The following ANK1 variants were observed in gnomAD, a reference collection of about 807,000 sequenced individuals.
ANK1 encodes the protein ankyrin-1.
A neutral mutation model predicts 210.4 loss-of-function variants in ANK1; 51 were observed. The ratio of observed to expected loss-of-function variants is 0.24; its 90% CI spans 0.19 to 0.31. The LOEUF (loss-of-function observed/expected upper bound fraction) is 0.31, where lower values mean the gene tolerates loss of function less well. Among genes scored for constraint, ANK1 ranks in the 10% least tolerant of loss-of-function variants. ANK1 has a pLI of 1.00. For synonymous variants in ANK1, 967 were observed against 1,025.9 expected (o/e 0.94, Z 1.10); for missense variants, 2,051 against 2,504.4 (o/e 0.82, Z 3.86).
At chr8:41,693,792 A>G (rs1167240303) in intron 29 of ANK1, 106 bp downstream of exon 29, 3 of 1,356,132 alleles carry the variant, frequency 2.2e-6, no homozygotes, top group Non-Finnish European at 3.1e-6. Context: ...GGAAGTCAAC[A>G]AAAACTAAGG....
At chr8:41,822,236 T>C (rs1208640269) in intron 1 of ANK1, among the ~76,000 whole-genome samples, 2 of 152,160 alleles carry the variant, frequency 1.3e-5, no homozygotes, top group Non-Finnish European at 2.9e-5. Context: ...CTGTCTCCAG[T>C]TGACCTCTCT....
intron 9 of ANK1, among the ~76,000 whole-genome samples, chr8:41,721,985 AAAATGTTGGGAAT>A: frequency 6.6e-6 from 1 of 152,250 alleles, no homozygotes; most frequent in Admixed American, 6.5e-5. Flanking sequence ...CACTCCTGGA[AAAATGTTGGGAAT>A]TTTCTAATAA....
At position 41,655,308 on chromosome 8, in the gene ANK1, T is replaced by TC. The variant is rs1805286666; in HGVS notation, c.*481_*482insG. The TC allele has an allele frequency of 1.2e-5, 2 of 164,532 alleles. 1 individual carries two copies. The highest frequency in any genetic ancestry group is 3.1e-4 in the South Asian group (2 of 6,496). The allele number at this position is 164,532 out of a possible 1,614,324, so 10.2% of individuals were successfully genotyped here. ...AACTGATTTCATGCCTAGTTTTCTTTTTTTTTTTTTTCTTTCCAGGAAGCC... is the reference window on the plus strand; with the variant it reads ...AACTGATTTCATGCCTAGTTTTCTTTCTTTTTTTTTTTCTTTCCAGGAAGCC... On this transcript the variant is annotated 3_prime_UTR_variant, in exon 43 of 43. Transcript: ENST00000289734.
At chr8:41,684,782 A>G in intron 36 of ANK1, 92 bp from the exon 37 acceptor site, 2 of 1,510,254 alleles carry the variant, frequency 1.3e-6, no homozygotes, top group Non-Finnish European at 1.8e-6. Flanking sequence ...AAGATGGAGA[A>G]AGGAGATAAT....
intron 1 of ANK1, among the ~76,000 whole-genome samples, chr8:41,848,126 A>G (rs1385987308): frequency 6.6e-6 from 1 of 152,062 alleles, no homozygotes; most frequent in African/African-American, 2.4e-5. Flanking sequence ...TGGAGGTTGC[A>G]GTGAGCTGAG....
intron 1 of ANK1, among the ~76,000 whole-genome samples, chr8:41,850,348 T>C (rs1026065015): frequency 1.3e-5 from 2 of 152,120 alleles, no homozygotes; most frequent in African/African-American, 4.8e-5. Flanking sequence ...TAATAAAAAT[T>C]TAAAATCAAA....
chr8:41,826,714 A>C (rs1279665574), intron 1 of ANK1, among the ~76,000 whole-genome samples: 1 of 152,238 alleles, frequency 6.6e-6, no homozygotes, highest in African/African-American at 2.4e-5. Flanking sequence ...GCATTTGCTT[A>C]GTCTTTTTTC....
chr8:41,885,191 A>C (rs903684176), intron 1 of ANK1, among the ~76,000 whole-genome samples: 7 of 152,178 alleles, frequency 4.6e-5, no homozygotes, highest in Non-Finnish European at 8.8e-5. Context: ...TTAGCCTTAA[A>C]AGTTCTTCCT....
rs76505392 is a variant in ANK1 at position 41,839,564 on chromosome 8, G to A, written c.126+56791C>T. 4.6e-3 allele frequency among the ~76,000 whole-genome samples: 698 copies of A among 152,280 alleles called. 3 individuals carry two copies. Among genetic ancestry groups the A allele is most frequent in the East Asian group, 0.028 (144 of 5,184 alleles). On this transcript the variant is annotated intron_variant, in intron 1 of 42. Transcript: ENST00000265709. ...TTCATATCTTTGGAAGGCACATATCGGTGGGATAAAAATTCCTTTGCAGAA... is the reference window on the plus strand; with the variant it reads ...TTCATATCTTTGGAAGGCACATATCAGTGGGATAAAAATTCCTTTGCAGAA...
chr8:41,719,974 C>T, intron 9 of ANK1, 116 bp from the exon 10 acceptor site: 1 of 1,261,840 alleles, frequency 7.9e-7, no homozygotes, highest in Non-Finnish European at 1.1e-6. Context: ...TTCCACAAGT[C>T]TCTGGAGGGA....
In ANK1 at chr8:41,703,400, A is replaced by ATGTGTGTGTG. The variant is rs1199694080; in HGVS notation, c.2295+631_2295+640dup. On this transcript the variant is annotated intron_variant, in intron 20 of 42. Transcript: ENST00000289734. ...TGTGTGTGCATATATATATATGTAT[A>ATGTGTGTGTG]TGTGTGTGTGTGTGTGTGTGTGTAT... Among the ~76,000 whole-genome samples, 30 of 73,852 alleles carry ATGTGTGTGTG rather than the reference A, an allele frequency of 4.1e-4. 1 individual carries two copies. Among genetic ancestry groups the ATGTGTGTGTG allele is most frequent in the African/African-American group, 1.7e-3 (30 of 18,036 alleles). The allele number at this position is 73,852 out of a possible 152,430, so 48.4% of individuals were successfully genotyped here. A position where few individuals can be genotyped will look rare whatever the true frequency, so the allele number is the denominator to read the frequency against.
chr8:41,867,831 G>A lies in ANK1; in HGVS notation c.126+28524C>T, dbSNP rs568243223. ...CAGTCAAAGCTCTGCAAATATTTTT[G>A]CACAGTTAAATAATATTTCTAAAGC... On this transcript the variant is annotated intron_variant, in intron 1 of 42. Transcript: ENST00000265709. 7.9e-5 allele frequency among the ~76,000 whole-genome samples: 12 copies of A among 152,088 alleles called. No homozygotes were observed. The East Asian group carries it at 2.3e-3, about 29-fold the overall frequency.
At chr8:41,751,956 T>A (rs1368476522) in intron 2 of ANK1, among the ~76,000 whole-genome samples, 1 of 152,052 alleles carries the variant, frequency 6.6e-6, no homozygotes, top group Non-Finnish European at 1.5e-5. Flanking sequence ...TTCCCTTCCA[T>A]CACTCAACTC....
At position 41,802,995 on chromosome 8, in the gene ANK1, G is replaced by GAGAGAGAGAGAA. The variant is rs1554630756; in HGVS notation, c.127-44859_127-44858insTTCTCTCTCTCT. Among the ~76,000 whole-genome samples, 6 of 57,530 alleles carry GAGAGAGAGAGAA rather than the reference G, an allele frequency of 1.0e-4. No homozygotes were observed. The Admixed American group carries it at 1.1e-3, about 10-fold the overall frequency. The allele number at this position is 57,530 out of a possible 152,430, so 37.7% of individuals were successfully genotyped here. On this transcript the variant is annotated intron_variant, in intron 1 of 42. Transcript: ENST00000265709. ...AGATGAAAAAAGAAAGAGAGAAAGAGAGAAAGAAAGAAAGAAAGAAAGAAA... is the reference window on the plus strand; with the variant it reads ...AGATGAAAAAAGAAAGAGAGAAAGAGAGAGAGAGAGAAAGAAAGAAAGAAAGAAAGAAAGAAA...
chr8:41,660,876 T>G (rs1432576688), intron 42 of ANK1: 1 of 288,810 alleles, frequency 3.5e-6, no homozygotes, highest in East Asian at 1.3e-4. Context: ...TCCTCAGTCT[T>G]GGAGCTCTTA....
chr8:41,702,945 G>A (rs530586626), intron 20 of ANK1, among the ~76,000 whole-genome samples: 15 of 152,096 alleles, frequency 9.9e-5, no homozygotes, highest in African/African-American at 2.4e-4. Context: ...TCAGCCTCCC[G>A]AGTAGCTGGG....
At position 41,730,750 on chromosome 8, in the gene ANK1, G is replaced by A. The variant is rs373023828; in HGVS notation, c.229-2744C>T. Among the ~76,000 whole-genome samples, 7 of 152,310 alleles carry A rather than the reference G, an allele frequency of 4.6e-5. No individual in the cohort carries two copies. The South Asian group carries it at 1.4e-3, about 32-fold the overall frequency. ...CAGAAACTTTTCTAGACACCAGGAC[G>A]CTGAGCTCCAAGTGGCATCTTCTGG... On this transcript the variant is annotated intron_variant, in intron 3 of 42. Transcript: ENST00000289734.
intron 5 of ANK1, 26 bp from the exon 6 acceptor site, chr8:41,725,972 CTCTGACTCG>C (rs1830593088): frequency 6.2e-7 from 1 of 1,609,656 alleles, no homozygotes; most frequent in South Asian, 1.1e-5. Flanking sequence ...AAATGCTTTG[CTCTGACTCG>C]TCTGACGCCA....
chr8:41,752,256 C>T (rs1445649111), intron 2 of ANK1, among the ~76,000 whole-genome samples: 3 of 152,156 alleles, frequency 2.0e-5, no homozygotes, highest in African/African-American at 2.4e-5. Flanking sequence ...GCCACGAGCG[C>T]GCAGACTATT....
Sources: gnomAD v4.1 joint callset for allele counts (sites outside exome capture counted in the v4.1 genomes callset) on GRCh38, gnomAD v4.1.1 for gene constraint, MANE v1.5 for transcripts, NCBI Gene and HGNC (gene_info 2026-07-23, HGNC 2026-07-21) for gene names.